STAM2: variants seen among roughly 807,000 people sequenced by gnomAD.
The protein encoded by STAM2 is signal transducing adaptor molecule 2.
Under a neutral mutation model 65.6 loss-of-function variants are expected in STAM2, and 51 were observed. That is an observed-to-expected ratio of 0.78 (90% CI 0.62 to 0.98). The LOEUF (loss-of-function observed/expected upper bound fraction) is 0.98. Ranked by LOEUF, STAM2 falls within the 50% of genes least tolerant of loss-of-function variation. The probability of loss-of-function intolerance (pLI) is 0.00; values close to 1 mark genes in which losing one functional copy is unlikely to be tolerated. For synonymous variants in STAM2, 198 were observed against 208.4 expected (o/e 0.95, Z 0.43); for missense variants, 584 against 617.8 (o/e 0.95, Z 0.58).
At position 152,122,069 on chromosome 2, in the gene STAM2, T is replaced by C. The variant is rs1308418140; in HGVS notation, c.1350-1267A>G. The stretch of plus-strand genomic sequence containing the variant: ...TCCCCAAAAAAAAAATATATATATA[T>C]ATATATATGTGTGTGTGTGTGTGTG... On this transcript the variant is annotated intron_variant, in intron 13 of 13. Transcript: ENST00000263904. Among the ~76,000 whole-genome samples, 7 of 124,474 alleles carry C rather than the reference T, an allele frequency of 5.6e-5. 1 individual carries two copies. The Admixed American group carries it at 6.4e-4, about 11-fold the overall frequency. The allele number at this position is 124,474 out of a possible 152,430, so 81.7% of individuals were successfully genotyped here.
chr2:152,150,829 A>G (rs917344868), intron 1 of STAM2, among the ~76,000 whole-genome samples: 1 of 152,090 alleles, frequency 6.6e-6, no homozygotes, highest in African/African-American at 2.4e-5. Context: ...AAAGTATATC[A>G]TACAAGTAAA....
intron 1 of STAM2, among the ~76,000 whole-genome samples, chr2:152,160,011 G>A (rs1037262447): frequency 1.3e-5 from 2 of 152,244 alleles, no homozygotes; most frequent in Non-Finnish European, 2.9e-5. Context: ...GATTGCAGAC[G>A]GAGGCTCCTT....
chr2:152,168,379 C>T (rs1560225493), intron 1 of STAM2, among the ~76,000 whole-genome samples: 1 of 152,024 alleles, frequency 6.6e-6, no homozygotes, highest in South Asian at 2.1e-4. Context: ...AGGCTGGTCT[C>T]GAACTCCTGA....
intron 1 of STAM2, among the ~76,000 whole-genome samples, chr2:152,163,154 G>C (rs886872307): frequency 6.6e-6 from 1 of 152,168 alleles, no homozygotes; most frequent in Admixed American, 6.5e-5. Context: ...ATACATTGTT[G>C]CAAGAAGTCA....
At chr2:152,130,317 T>C (rs1689036319) in intron 11 of STAM2, among the ~76,000 whole-genome samples, 1 of 151,852 alleles carries the variant, frequency 6.6e-6, no homozygotes, top group Admixed American at 6.6e-5. Flanking sequence ...AGTGGCGAGA[T>C]CTCGGCTCAC....
chr2:152,172,527 A>C (rs775111055), intron 1 of STAM2, among the ~76,000 whole-genome samples: 4 of 152,154 alleles, frequency 2.6e-5, no homozygotes, highest in South Asian at 2.1e-4. Flanking sequence ...ACCATATCAT[A>C]CATTAGCAAA....
Position 152,135,568 on chromosome 2 carries a change from CCT to C in STAM2, c.738_739del (p.Gly247AsnfsTer12). On this transcript the variant is annotated frameshift_variant, in exon 8 of 14. Coordinates refer to ENST00000263904, the MANE Select transcript of STAM2 (RefSeq NM_005843.6). LOFTEE classifies it high-confidence loss of function. ...AAAATTGGATGGGAAAAGTCCTATT[CCT>C]CTGTGATTTTCTCCTTTCCACCAAT... The C allele has an allele frequency of 6.2e-7, 1 of 1,612,424 alleles. No individual in the cohort carries two copies. Among genetic ancestry groups the C allele is most frequent in the Non-Finnish European group, 8.5e-7 (1 of 1,179,452 alleles).
intron 7 of STAM2, among the ~76,000 whole-genome samples, chr2:152,143,482 T>C (rs1413760256): frequency 6.6e-6 from 1 of 152,218 alleles, no homozygotes; most frequent in African/African-American, 2.4e-5. Context: ...TATATTGCTG[T>C]ATTTCTTCCT....
chr2:152,147,364 TAA>T, intron 4 of STAM2, 56 bp from the exon 5 acceptor site: 1 of 1,392,812 alleles, frequency 7.2e-7, no homozygotes, highest in Non-Finnish European at 9.6e-7. Flanking sequence ...AATAAGTACT[TAA>T]ATTATTTAAC....
rs112620636 is a variant in STAM2 at position 152,148,312 on chromosome 2, A to AAG, written c.126-14_126-13dup. ...GGCAATCTTTCGCTCTAAAAAAAAA[A>AAG]AGAGAGAGAGAGACAGTTAAGTATT... On this transcript the variant is annotated splice_polypyrimidine_tract_variant and intron_variant, in intron 2 of 13. Transcript: ENST00000263904. 22 of 1,560,930 alleles carry AAG rather than the reference A, an allele frequency of 1.4e-5. No homozygotes were observed. Among genetic ancestry groups the AAG allele is most frequent in the Middle Eastern group, 1.7e-4 (1 of 5,892 alleles).
intron 11 of STAM2, among the ~76,000 whole-genome samples, chr2:152,127,586 A>G (rs528929248): frequency 6.6e-6 from 1 of 151,894 alleles, no homozygotes; most frequent in East Asian, 1.9e-4. Flanking sequence ...TATATCCATG[A>G]AAGTGTCAAC....
chr2:152,175,399 G>C (rs1044902955), intron 1 of STAM2, among the ~76,000 whole-genome samples: 2 of 152,136 alleles, frequency 1.3e-5, no homozygotes, highest in African/African-American at 4.8e-5. Context: ...AAACTCAGGC[G>C]GCAGGAAGCA....
intron 1 of STAM2, among the ~76,000 whole-genome samples, chr2:152,165,481 T>C (rs1689760198): frequency 6.6e-6 from 1 of 151,076 alleles, no homozygotes; most frequent in South Asian, 2.1e-4. Flanking sequence ...AAGTTACAGA[T>C]AGAGAATCAA....
chr2:152,152,905 G>C (rs895619747), intron 1 of STAM2, among the ~76,000 whole-genome samples: 17 of 152,196 alleles, frequency 1.1e-4, no homozygotes, highest in Admixed American at 7.9e-4. Context: ...CTCAAAAGAA[G>C]ACAGGGGCTT....
At position 152,148,193 on chromosome 2, in the gene STAM2, T is replaced by G. The variant is rs745461592; in HGVS notation, c.201+32A>C. On this transcript the variant is annotated intron_variant, in intron 3 of 13. Transcript: ENST00000263904. Reference sequence around the variant, plus strand: ...CTGTAATTAAAAACACATTTAAAATTTGCGTCAAATAATAACATGCCTTGT... The same window carrying G: ...CTGTAATTAAAAACACATTTAAAATGTGCGTCAAATAATAACATGCCTTGT... The G allele has an allele frequency of 2.5e-6, 4 of 1,598,130 alleles. No homozygotes were observed. The Middle Eastern group carries it at 5.0e-4, about 201-fold the overall frequency.
At chr2:152,136,046 C>G (rs1345115139) in intron 7 of STAM2, among the ~76,000 whole-genome samples, 2 of 146,316 alleles carry the variant, frequency 1.4e-5, no homozygotes, top group African/African-American at 5.1e-5. Flanking sequence ...GCCAAGATGG[C>G]ACCACTGCAC....
At chr2:152,156,530 T>C (rs566770382) in intron 1 of STAM2, among the ~76,000 whole-genome samples, 2 of 152,290 alleles carry the variant, frequency 1.3e-5, no homozygotes, top group South Asian at 4.1e-4. Context: ...GCCTAAATGC[T>C]AAATCGCCGG....
intron 1 of STAM2, among the ~76,000 whole-genome samples, chr2:152,162,958 T>G (rs1170563194): frequency 6.6e-6 from 1 of 152,120 alleles, no homozygotes; most frequent in African/African-American, 2.4e-5. Context: ...CTGTGCCTGG[T>G]CCAGAAAATT....
chr2:152,173,462 T>TA (rs917046467), intron 1 of STAM2, among the ~76,000 whole-genome samples: 1 of 149,456 alleles, frequency 6.7e-6, no homozygotes, highest in Non-Finnish European at 1.5e-5. Flanking sequence ...AGTGGCGAGA[T>TA]ATTGGCTCAC....
Sources: allele counts gnomAD v4.1 joint callset (sites outside exome capture counted in the v4.1 genomes callset), GRCh38; gene constraint gnomAD v4.1.1; transcripts MANE v1.5; gene names NCBI Gene and HGNC (gene_info 2026-07-23, HGNC 2026-07-21).